Variants in KLF8 observed in about 807,000 individuals in gnomAD.
The protein encoded by KLF8 is KLF transcription factor 8, also known as Krueppel-like factor 8.
A neutral mutation model predicts 18.2 loss-of-function variants in KLF8; 10 were observed. That is an observed-to-expected ratio of 0.55 (90% CI 0.34 to 0.93). The LOEUF (loss-of-function observed/expected upper bound fraction) is 0.93. Among genes scored for constraint, KLF8 ranks in the 40% least tolerant of loss-of-function variants. The pLI, the probability that KLF8 is intolerant of heterozygous loss-of-function variation, is 0.02. For synonymous variants in KLF8, 109 were observed against 97.3 expected (o/e 1.12, Z -0.71); for missense variants, 264 against 277.9 (o/e 0.95, Z 0.36).
chrX:56,162,857 C>T, the KLF8 span, among the ~76,000 whole-genome samples: 3 of 111,636 alleles, frequency 2.7e-5, no homozygotes, highest in East Asian at 2.8e-4. Flanking sequence ...TCTTCTGTGC[C>T]GCTCACACTG....
At chrX:56,079,455 C>G in the KLF8 span, among the ~76,000 whole-genome samples, 1 of 111,338 alleles carries the variant, frequency 9.0e-6, no homozygotes, top group Non-Finnish European at 1.9e-5. Flanking sequence ...AGTGGTTTTG[C>G]GTGAGATTCT....
chrX:55,944,778 C>T, the KLF8 span, among the ~76,000 whole-genome samples: 1 of 111,278 alleles, frequency 9.0e-6, no homozygotes, highest in East Asian at 2.8e-4. Flanking sequence ...TTTCCAAAAA[C>T]CAGCTCCTGT....
chrX:56,103,791 G>T, the KLF8 span, among the ~76,000 whole-genome samples: 1 of 111,338 alleles, frequency 9.0e-6, no homozygotes, highest in African/African-American at 3.3e-5. Flanking sequence ...TCTTGTGCCA[G>T]TTTTCAAAGG....
chrX:56,198,439 C>T, the KLF8 span, among the ~76,000 whole-genome samples: 4 of 111,664 alleles, frequency 3.6e-5, no homozygotes, highest in Admixed American at 3.8e-4. Flanking sequence ...TCTTATACAC[C>T]ATTAACAGAC....
chrX:56,258,650 T>C (rs1409478221), intron 2 of KLF8, among the ~76,000 whole-genome samples: 2 of 112,596 alleles, frequency 1.8e-5, no homozygotes, highest in Non-Finnish European at 1.9e-5. Context: ...TCTTTAGGTA[T>C]ACTGAACTTC....
At chrX:56,189,917 G>T in the KLF8 span, among the ~76,000 whole-genome samples, 1 of 104,394 alleles carries the variant, frequency 9.6e-6, no homozygotes, top group Non-Finnish European at 2.0e-5. Flanking sequence ...TATACCTAAT[G>T]CTAAATGACG....
At chrX:56,122,217 A>C in the KLF8 span, among the ~76,000 whole-genome samples, 1 of 111,557 alleles carries the variant, frequency 9.0e-6, no homozygotes, top group Non-Finnish European at 1.9e-5. Context: ...CATATATGAA[A>C]AAAACAAAAT....
the KLF8 span, among the ~76,000 whole-genome samples, chrX:56,223,098 A>G: frequency 1.8e-5 from 2 of 113,323 alleles, no homozygotes; most frequent in African/African-American, 6.4e-5. Flanking sequence ...GAGGGCTGCC[A>G]GCAGGCTGTC....
the KLF8 span, among the ~76,000 whole-genome samples, chrX:56,016,654 G>A: frequency 1.8e-5 from 2 of 111,585 alleles, no homozygotes; most frequent in Admixed American, 9.5e-5. Context: ...AAGGCATAAA[G>A]CAGTTATTTA....
chrX:56,058,927 A>C, the KLF8 span, among the ~76,000 whole-genome samples: 1 of 111,890 alleles, frequency 8.9e-6, no homozygotes, highest in African/African-American at 3.3e-5. Flanking sequence ...GAATTGACAC[A>C]CTGTCTTCCA....
At chrX:56,112,926 G>C in the KLF8 span, among the ~76,000 whole-genome samples, 1 of 111,250 alleles carries the variant, frequency 9.0e-6, no homozygotes, top group African/African-American at 3.3e-5. Context: ...TAAGCCAGTT[G>C]ATGCAGCTGG....
the KLF8 span, among the ~76,000 whole-genome samples, chrX:56,207,533 CA>C: frequency 3.6e-5 from 4 of 111,562 alleles, no homozygotes; most frequent in Non-Finnish European, 5.6e-5. Flanking sequence ...ATCTCTAGGA[CA>C]GGGGGAAAAT....
At chrX:56,084,436 G>GA in the KLF8 span, among the ~76,000 whole-genome samples, 38 of 108,086 alleles carry the variant, frequency 3.5e-4, no homozygotes, top group African/African-American at 4.4e-4. Context: ...TCTCTGCAAG[G>GA]AAAAAAAAAC....
chrX:56,278,496 A>G (rs1051007698), intron 5 of KLF8, among the ~76,000 whole-genome samples: 3 of 110,995 alleles, frequency 2.7e-5, no homozygotes, highest in Non-Finnish European at 3.8e-5. Context: ...ATGATGCCCT[A>G]TCCTACTGTG....
chrX:56,126,847 A>G, the KLF8 span, among the ~76,000 whole-genome samples: 2 of 97,990 alleles, frequency 2.0e-5, no homozygotes, highest in Non-Finnish European at 4.0e-5. Context: ...CCACCTCCCC[A>G]GTTTAAGTGA....
chrX:55,940,504 C>G, the KLF8 span, among the ~76,000 whole-genome samples: 1 of 111,728 alleles, frequency 9.0e-6, no homozygotes, highest in Non-Finnish European at 1.9e-5. Context: ...TCCTATTCAA[C>G]ATAGTGTTGA....
At chrX:56,184,689 C>T in the KLF8 span, among the ~76,000 whole-genome samples, 6 of 111,617 alleles carry the variant, frequency 5.4e-5, no homozygotes, top group African/African-American at 9.8e-5. Context: ...TCCAGAGGAA[C>T]GATCAGACAG....
At chrX:56,105,067 G>A in the KLF8 span, among the ~76,000 whole-genome samples, 4 of 112,133 alleles carry the variant, frequency 3.6e-5, no homozygotes, top group African/African-American at 9.7e-5. Flanking sequence ...TGATTGCACT[G>A]TGGTCTGAGA....
At chrX:56,086,843 A>G in the KLF8 span, among the ~76,000 whole-genome samples, 2 of 111,356 alleles carry the variant, frequency 1.8e-5, no homozygotes. Flanking sequence ...ACTAAGATGT[A>G]CCAGTAGATT....
Sources: gnomAD v4.1 joint callset for allele counts (sites outside exome capture counted in the v4.1 genomes callset) on GRCh38, gnomAD v4.1.1 for gene constraint, MANE v1.5 for transcripts, NCBI Gene and HGNC (gene_info 2026-07-23, HGNC 2026-07-21) for gene names.